Variants in PCTP observed in about 807,000 individuals in gnomAD.
The protein encoded by PCTP is START domain-containing protein 2.
Under a neutral mutation model 31.0 loss-of-function variants are expected in PCTP, and 27 were observed. That is an observed-to-expected ratio of 0.87 (90% CI 0.64 to 1.20). The LOEUF is 1.20. Among genes scored for constraint, PCTP ranks in the 50% most tolerant of loss-of-function variants. The probability of loss-of-function intolerance (pLI) is 0.00; values close to 1 mark genes in which losing one functional copy is unlikely to be tolerated. For missense variants in PCTP, 287 were observed against 268.2 expected, an observed-to-expected ratio of 1.07 and a Z score of -0.49; for synonymous variants, 108 against 101.2, an observed-to-expected ratio of 1.07 and a Z score of -0.40.
chr17:55,844,057 A>C (rs1013331316), downstream of PCTP, among the ~76,000 whole-genome samples: 105 of 152,232 alleles, frequency 6.9e-4, 1 homozygote, highest in African/African-American at 2.5e-3. Flanking sequence ...AGGAAGCGAT[A>C]AATGGCTTTT....
chr17:55,848,908 A>G, the PCTP span, among the ~76,000 whole-genome samples: 2 of 152,248 alleles, frequency 1.3e-5, no homozygotes, highest in Admixed American at 1.3e-4. Context: ...GCTATCACAC[A>G]TAGAAAACAG....
chr17:55,837,283 G>A (rs192352912), intron 5 of PCTP, among the ~76,000 whole-genome samples: 21 of 152,274 alleles, frequency 1.4e-4, no homozygotes, highest in South Asian at 1.0e-3. Context: ...ACCTAAATGG[G>A]TTTGCATTGG....
chr17:55,753,255 T>C (rs1909806870), intron 1 of PCTP, among the ~76,000 whole-genome samples: 1 of 152,222 alleles, frequency 6.6e-6, no homozygotes, highest in African/African-American at 2.4e-5. Flanking sequence ...GTTTTTGGCC[T>C]ACCAGCTCTC....
At chr17:55,759,062 C>T (rs951004412) in intron 1 of PCTP, among the ~76,000 whole-genome samples, 3 of 152,188 alleles carry the variant, frequency 2.0e-5, no homozygotes, top group Non-Finnish European at 2.9e-5. Context: ...ATTCTGAATG[C>T]TTGGACATAA....
downstream of PCTP, among the ~76,000 whole-genome samples, chr17:55,778,417 C>CACAA (rs1474467114): frequency 6.6e-6 from 1 of 152,070 alleles, no homozygotes; most frequent in Non-Finnish European, 1.5e-5. Context: ...TGGATAGAAG[C>CACAA]AGTTATATCA....
intron 3 of PCTP, among the ~76,000 whole-genome samples, chr17:55,820,592 A>G (rs572296038): frequency 1.3e-5 from 2 of 152,352 alleles, no homozygotes; most frequent in South Asian, 4.1e-4. Context: ...ATACTATCAC[A>G]TTGGTGATTA....
chr17:55,801,375 C>T (rs1219439808), intron 3 of PCTP, among the ~76,000 whole-genome samples: 20 of 152,038 alleles, frequency 1.3e-4, no homozygotes, highest in Admixed American at 1.3e-3. Flanking sequence ...TAATAGACAT[C>T]TACAAAACTC....
chr17:55,842,043 A>T (rs1176986409), intron 5 of PCTP, among the ~76,000 whole-genome samples: 2 of 152,242 alleles, frequency 1.3e-5, no homozygotes, highest in Non-Finnish European at 2.9e-5. Flanking sequence ...AATATATATT[A>T]TGCACAAGGT....
chr17:55,794,576 G>A (rs1041775993), intron 3 of PCTP, among the ~76,000 whole-genome samples: 2 of 151,688 alleles, frequency 1.3e-5, no homozygotes, highest in Admixed American at 6.6e-5. Context: ...TTAAGTTATG[G>A]GTTATATGCA....
chr17:55,770,830 C>A, intron 2 of PCTP: 1 of 272,122 alleles, frequency 3.7e-6, no homozygotes, highest in Non-Finnish European at 6.9e-6. Flanking sequence ...GATGATCCTC[C>A]TACCTCAGCC....
At chr17:55,817,952 G>A (rs1211807064) in intron 3 of PCTP, among the ~76,000 whole-genome samples, 1 of 152,158 alleles carries the variant, frequency 6.6e-6, no homozygotes, top group African/African-American at 2.4e-5. Context: ...ACCTTGAAGG[G>A]CTCACAGTTT....
chr17:55,852,538 G>A, the PCTP span, among the ~76,000 whole-genome samples: 2 of 152,116 alleles, frequency 1.3e-5, no homozygotes, highest in African/African-American at 4.8e-5. Flanking sequence ...AGATTTTACT[G>A]TACAATAGTT....
rs1236808754 is a variant in PCTP at position 55,790,587 on chromosome 17, C to T, written c.317+2933C>T. Among the ~76,000 whole-genome samples the T allele has an allele frequency of 2.7e-5, 4 of 150,126 alleles. No individual in the cohort carries two copies. The East Asian group carries it at 5.8e-4, about 22-fold the overall frequency. On this transcript the variant is annotated intron_variant, in intron 3 of 3. Coordinates refer to the PCTP transcript ENST00000572536. Reference sequence around the variant, plus strand: ...AAAGAGAATAAAATACCTAGGAATCCAACTTACAAGGGATGTGAAGGACCT... The same window carrying T: ...AAAGAGAATAAAATACCTAGGAATCTAACTTACAAGGGATGTGAAGGACCT...
At chr17:55,792,196 A>C (rs1401806005) in intron 3 of PCTP, among the ~76,000 whole-genome samples, 1 of 149,030 alleles carries the variant, frequency 6.7e-6, no homozygotes, top group Non-Finnish European at 1.5e-5. Flanking sequence ...TGGGAGATAT[A>C]CCTAATGCTA....
chr17:55,777,483 T>A (rs1463683937), downstream of PCTP: 2 of 837,872 alleles, frequency 2.4e-6, no homozygotes, highest in Non-Finnish European at 2.9e-6. Flanking sequence ...GACTTAAACA[T>A]AAAACATAAT....
chr17:55,790,448 C>G (rs896586935), intron 3 of PCTP, among the ~76,000 whole-genome samples: 5 of 151,174 alleles, frequency 3.3e-5, no homozygotes, highest in African/African-American at 9.7e-5. Context: ...TAAGCAACTT[C>G]AGCAAAGTCT....
chr17:55,789,879 ATGAACAT>A (rs1911893032), intron 3 of PCTP, among the ~76,000 whole-genome samples: 1 of 152,212 alleles, frequency 6.6e-6, no homozygotes. Flanking sequence ...AATATCCTTG[ATGAACAT>A]TGATGCAAAA....
At chr17:55,837,188 G>A (rs1035515050) in intron 5 of PCTP, among the ~76,000 whole-genome samples, 4 of 152,198 alleles carry the variant, frequency 2.6e-5, no homozygotes, top group Non-Finnish European at 5.9e-5. Context: ...CCAATGATGA[G>A]GGAGAGTCTT....
intron 2 of PCTP, 47 bp downstream of exon 2, chr17:55,767,499 T>C (rs1157599982): frequency 1.5e-6 from 2 of 1,336,180 alleles, no homozygotes; most frequent in Non-Finnish European, 2.1e-6. Flanking sequence ...ACTTTCACTT[T>C]TGTAGCCCAG....
Sources: gnomAD v4.1 joint callset for allele counts (sites outside exome capture counted in the v4.1 genomes callset) on GRCh38, gnomAD v4.1.1 for gene constraint, MANE v1.5 for transcripts, NCBI Gene and HGNC (gene_info 2026-07-23, HGNC 2026-07-21) for gene names.